FLNB: variants seen among roughly 807,000 people sequenced by gnomAD.
The protein encoded by FLNB is filamin-B.
Under a neutral mutation model 250.6 loss-of-function variants are expected in FLNB, and 111 were observed. The ratio of observed to expected loss-of-function variants is 0.44; its 90% confidence interval spans 0.38 to 0.52. The LOEUF (loss-of-function observed/expected upper bound fraction) is 0.52, where lower values mean the gene tolerates loss of function less well. Among genes scored for constraint, FLNB ranks in the 20% least tolerant of loss-of-function variants. The probability of loss-of-function intolerance (pLI) is 0.00; values close to 1 mark genes in which losing one functional copy is unlikely to be tolerated. For missense variants in FLNB, 2,869 were observed against 3,447.8 expected (o/e 0.83, Z 4.20); for synonymous variants, 1,302 against 1,372.1 (o/e 0.95, Z 1.13).
chr3:58,132,522 C>T (rs2097309198), intron 25 of FLNB: 1 of 511,220 alleles, frequency 2.0e-6, no homozygotes, highest in African/African-American at 1.9e-5. Flanking sequence ...CACATACACC[C>T]TCCAGCAGCA....
rs150165513 is a variant in FLNB, at chr3:58,163,228, G to A, written c.7096G>A (p.Val2366Met). ...CGATGTCAAGTTCAATGGGAGCCAC[G>A]TGGTTGGAAGCCCCTTCAAAGTGCG... is the stretch of plus-strand genomic sequence containing the variant. The part of the protein sequence containing the change: ...TIDVKFNGSH[V>M]VGSPFKVRVG... Residue 2366 changes from valine to methionine, a missense_variant, in exon 43 of 46, where the codon GTG becomes ATG. Coordinates refer to ENST00000295956, the MANE Select transcript of FLNB (RefSeq NM_001457.4). 7 of 1,614,078 alleles carry A rather than the reference G, an allele frequency of 4.3e-6. No homozygotes were observed. The highest frequency in any genetic ancestry group is 4.0e-5 in the African/African-American group (3 of 74,926).
chr3:58,141,505 A>G (rs1157877964), intron 29 of FLNB, among the ~76,000 whole-genome samples: 1 of 152,116 alleles, frequency 6.6e-6, no homozygotes, highest in Non-Finnish European at 1.5e-5. Context: ...GACTCACCAG[A>G]ATTTATTTGA....
intron 1 of FLNB, among the ~76,000 whole-genome samples, chr3:58,011,268 C>T (rs1053889786): frequency 1.3e-5 from 2 of 152,138 alleles, no homozygotes; most frequent in African/African-American, 2.4e-5. Context: ...ATTGTCCCGA[C>T]GTTCCAGGGT....
chr3:58,132,089 G>A, intron 25 of FLNB: 1 of 1,000,462 alleles, frequency 1.0e-6, no homozygotes, highest in Non-Finnish European at 1.5e-6. Context: ...TTCTAAAATT[G>A]CTTACACCTG....
At chr3:58,111,948 C>A in intron 17 of FLNB, 67 bp downstream of exon 17, 2 of 1,377,672 alleles carry the variant, frequency 1.5e-6, no homozygotes, top group Non-Finnish European at 2.1e-6. Flanking sequence ...GTGTTTCATC[C>A]ACGGCCTTGA....
chr3:58,016,457 GC>G (rs35541157), intron 1 of FLNB, among the ~76,000 whole-genome samples: 45,758 of 149,598 alleles, frequency 0.31, 8,161 homozygotes, highest in Middle Eastern at 0.46. Context: ...TTTTGTATGT[GC>G]CCCTTCCTCA....
intron 1 of FLNB, among the ~76,000 whole-genome samples, chr3:58,074,588 C>A (rs953335656): frequency 4.6e-5 from 7 of 152,158 alleles, no homozygotes; most frequent in African/African-American, 1.4e-4. Flanking sequence ...GAAAGCAATT[C>A]TTGAGCTAAA....
At chr3:58,065,886 C>A (rs980647352) in intron 1 of FLNB, among the ~76,000 whole-genome samples, 1 of 152,194 alleles carries the variant, frequency 6.6e-6, no homozygotes, top group Non-Finnish European at 1.5e-5. Flanking sequence ...ATTATTTCAG[C>A]TGGAAATGTT....
chr3:58,145,784 T>C, intron 32 of FLNB, 137 bp from the exon 33 acceptor site: 1 of 996,004 alleles, frequency 1.0e-6, no homozygotes, highest in South Asian at 1.3e-5. Flanking sequence ...TGCATGTGCA[T>C]CTCCTTCTGT....
rs1277926199 is a variant in FLNB, at chr3:58,138,472, T to C, written c.5052T>C (p.Tyr1684=). The C allele has an allele frequency of 1.2e-6, 2 of 1,613,880 alleles. No individual in the cohort carries two copies. Among genetic ancestry groups the C allele is most frequent in the African/African-American group, 1.3e-5 (1 of 74,924 alleles). The stretch of plus-strand genomic sequence containing the variant: ...ACACAGCTGCCAAGCCGGGCACATA[T>C]GTGATCTATGTGCGCTTCGGTGGTG... ...IFYTAAKPGT[Y]VIYVRFGGVD... Residue 1684 remains tyrosine (Y), a synonymous_variant, in exon 29 of 46, where the codon TAT becomes TAC. Transcript: ENST00000295956.
At position 58,008,868 on chromosome 3, in the gene FLNB, G is replaced by C. The variant is rs201148582; in HGVS notation, c.292+12G>C. The C allele has an allele frequency of 1.1e-3, 1,761 of 1,613,458 alleles. 3 individuals carry two copies. Among genetic ancestry groups the C allele is most frequent in the Non-Finnish European group, 1.4e-3 (1,611 of 1,179,936 alleles). The stretch of plus-strand genomic sequence containing the variant: ...GCTCGTGTCCATCGGTGAGTTCTCT[G>C]GCCGGGCCCAGGCGCCCACTGTGGT... On this transcript the variant is annotated intron_variant, in intron 1 of 45. Coordinates refer to ENST00000295956, the MANE Select transcript of FLNB (RefSeq NM_001457.4).
rs772952165 is a variant in FLNB at position 58,155,946 on chromosome 3, T to A, written c.6773-14T>A. 1 of 1,579,638 alleles carries A rather than the reference T, an allele frequency of 6.3e-7. No homozygotes were observed. ...CAGAGTCTCTGAAATGATGGGACTT[T>A]CCTGTCCTCATAGGTAACTACGAGG... On this transcript the variant is annotated splice_polypyrimidine_tract_variant and intron_variant, in intron 40 of 45. Transcript: ENST00000295956.
chr3:58,011,450 G>A (rs1303125069), intron 1 of FLNB, among the ~76,000 whole-genome samples: 1 of 152,092 alleles, frequency 6.6e-6, no homozygotes, highest in African/African-American at 2.4e-5. Context: ...TTGTATCATT[G>A]GCTGCCTAAT....
chr3:58,147,087 C>T (rs550952992), intron 34 of FLNB, 94 bp downstream of exon 34: 61 of 1,295,084 alleles, frequency 4.7e-5, no homozygotes, highest in Non-Finnish European at 6.4e-5. Context: ...GCAGGCTAGA[C>T]GTCTCTTTGA....
chr3:58,123,507 A>G lies in FLNB; in HGVS notation c.3541A>G (p.Ser1181Gly). 3 of 1,604,702 alleles carry G rather than the reference A, an allele frequency of 1.9e-6. No homozygotes were observed. The highest frequency in any genetic ancestry group is 2.6e-6 in the Non-Finnish European group (3 of 1,174,460). ...GGACTCGGGAACAAAAGCCGAAGTC[A>G]GTATTCAGAACAACAAAGATGGCAC... ...VSDSGTKAEVSIQNNKDGTYA... is the reference protein window; with the variant it reads ...VSDSGTKAEVGIQNNKDGTYA... The change falls in exon 21 of 46, where the codon AGT (serine) becomes GGT (glycine). Residue 1181 changes from serine (S) to glycine (G), a missense_variant. By Grantham distance (56) the Ser-to-Gly change is moderately conservative. Coordinates refer to ENST00000295956, the MANE Select transcript of FLNB (RefSeq NM_001457.4).
intron 34 of FLNB, 59 bp from the exon 35 acceptor site, chr3:58,148,147 C>G (rs537814086): frequency 1.9e-6 from 3 of 1,560,366 alleles, no homozygotes; most frequent in African/African-American, 2.7e-5. Flanking sequence ...GGCATGGCAG[C>G]TCTGTGAAGC....
chr3:58,144,906 C>A (rs543891648), intron 32 of FLNB, among the ~76,000 whole-genome samples: 1 of 152,334 alleles, frequency 6.6e-6, no homozygotes, highest in South Asian at 2.1e-4. Context: ...TTTCTGTGAA[C>A]TGAACATTTG....
At chr3:58,126,464 C>G in intron 23 of FLNB, 138 bp from the exon 24 acceptor site, 1 of 730,682 alleles carries the variant, frequency 1.4e-6, no homozygotes, top group Non-Finnish European at 2.4e-6. Flanking sequence ...TGTGAAATTC[C>G]CTATGTGAGA....
At chr3:58,062,531 A>G (rs986566392) in intron 1 of FLNB, among the ~76,000 whole-genome samples, 3 of 152,116 alleles carry the variant, frequency 2.0e-5, no homozygotes, top group Non-Finnish European at 2.9e-5. Context: ...ACCTCCCATT[A>G]GAAAAAGAAA....
Sources: allele counts gnomAD v4.1 joint callset (sites outside exome capture counted in the v4.1 genomes callset), GRCh38; gene constraint gnomAD v4.1.1; transcripts MANE v1.5; gene names NCBI Gene and HGNC (gene_info 2026-07-23, HGNC 2026-07-21).